Variants in PRDM4 observed in about 807,000 individuals in gnomAD.
PRDM4 encodes PR domain zinc finger protein 4.
In PRDM4, 38 loss-of-function variants were observed where a neutral mutation model predicts 62.3. That is an observed-to-expected ratio of 0.61 (90% CI 0.47 to 0.80). PRDM4 has a LOEUF of 0.80. Among genes scored for constraint, PRDM4 ranks in the 30% least tolerant of loss-of-function variants. The pLI is 0.00. For missense variants in PRDM4, 858 were observed against 997.1 expected, an observed-to-expected ratio of 0.86 and a Z score of 1.88; for synonymous variants, 339 against 348.2, an observed-to-expected ratio of 0.97 and a Z score of 0.30.
At chr12:107,754,381 ATTAAT>A (rs1479062161) in intron 3 of PRDM4, among the ~76,000 whole-genome samples, 1 of 152,154 alleles carries the variant, frequency 6.6e-6, no homozygotes, top group Non-Finnish European at 1.5e-5. Flanking sequence ...TATTTAATTA[ATTAAT>A]TTATCGATTG....
Position 107,741,018 on chromosome 12 carries a change from G to A in PRDM4, c.1852C>T (p.His618Tyr). ...GCCTTGCTACAGAAATCACACTTGT[G>A]GGGCTTCATACCCATGTGACCCATA... ...HFMGHMGMKP[H>Y]KCDFCSKAFS... Residue 618 changes from histidine to tyrosine, a missense_variant, in exon 10 of 12, where the codon CAC becomes TAC. This residue lies in a region of PRDM4 where 355 missense variants were observed against 432.6 expected (regional missense o/e 0.82). Transcript: ENST00000228437. 6.2e-7 allele frequency: 1 copy of A among 1,614,156 alleles called. No individual in the cohort carries two copies. Among genetic ancestry groups the A allele is most frequent in the Non-Finnish European group, 8.5e-7 (1 of 1,180,030 alleles).
intron 2 of PRDM4, among the ~76,000 whole-genome samples, chr12:107,757,694 G>A (rs995081245): frequency 7.2e-5 from 11 of 152,002 alleles, no homozygotes; most frequent in Admixed American, 2.6e-4. Flanking sequence ...GCAAAACACT[G>A]CCAAAAAGTT....
At position 107,733,996 on chromosome 12, in the gene PRDM4, T is replaced by TA. The variant is rs1487087450; in HGVS notation, c.*213dup. Reference sequence around the variant, plus strand: ...GACACTTCCCTCCCAGTCCACCACTTAAAACAGGACACATGCTCAGTTTTC... The same window carrying TA: ...GACACTTCCCTCCCAGTCCACCACTTAAAAACAGGACACATGCTCAGTTTTC... On this transcript the variant is annotated 3_prime_UTR_variant, in exon 12 of 12. Coordinates refer to ENST00000228437, the MANE Select transcript of PRDM4 (RefSeq NM_012406.4). 1 of 518,506 alleles carries TA rather than the reference T, an allele frequency of 1.9e-6. No individual in the cohort carries two copies. The highest frequency in any genetic ancestry group is 3.2e-5 in the East Asian group (1 of 31,040). 32.1% of individuals were successfully genotyped at this position (518,506 alleles called of 1,614,324 possible). A position where few individuals can be genotyped will look rare whatever the true frequency, so the allele number is the denominator to read the frequency against.
intron 5 of PRDM4, among the ~76,000 whole-genome samples, chr12:107,751,148 G>A (rs1327561490): frequency 6.6e-6 from 1 of 152,196 alleles, no homozygotes; most frequent in Non-Finnish European, 1.5e-5. Flanking sequence ...CATGTGCTAA[G>A]CTTATCTGCA....
In PRDM4 at chr12:107,739,600, T is replaced by A. The variant is rs1555261093; in HGVS notation, c.1925-49A>T. On this transcript the variant is annotated intron_variant, in intron 10 of 11. Transcript: ENST00000228437. ...ACCGTGAAGAAAACAACTGCTGGCA[T>A]CCCCAAGACACACAGGCACACATAT... 2.7e-5 allele frequency: 42 copies of A among 1,563,192 alleles called. No individual in the cohort carries two copies. The South Asian group carries it at 4.5e-4, about 17-fold the overall frequency.
Position 107,746,357 on chromosome 12 carries a change from AG to A in PRDM4, c.1193del (p.Pro398LeufsTer5). The A allele has an allele frequency of 6.2e-7, 1 of 1,613,780 alleles. No individual in the cohort carries two copies. The highest frequency in any genetic ancestry group is 8.5e-7 in the Non-Finnish European group (1 of 1,179,764). The part of the protein sequence containing the change: ...CPEHGPVTFV[P>X]DTPIESRARL... ...TTGCTCTGCTCTCTATTGGAGTGTC[AG>A]GAACAAAAGTCACTGGTCCATGTTC... On this transcript the variant is annotated frameshift_variant, in exon 6 of 12. Coordinates refer to ENST00000228437, the MANE Select transcript of PRDM4 (RefSeq NM_012406.4). LOFTEE classifies it high-confidence loss of function.
At chr12:107,750,823 C>CTT (rs1890866236) in intron 5 of PRDM4, among the ~76,000 whole-genome samples, 1 of 152,154 alleles carries the variant, frequency 6.6e-6, no homozygotes, top group South Asian at 2.1e-4. Flanking sequence ...TTTGTGAAAC[C>CTT]TTGGGAAATA....
Position 107,752,111 on chromosome 12 carries a change from G to A in PRDM4, c.430C>T (p.Pro144Ser). Residue 144 changes from proline (P) to serine (S), a missense_variant, in exon 5 of 12, where the codon CCT (proline) becomes TCT (serine). Transcript: ENST00000228437. ...GNTALSITNN[P>S]SALDPYQSNG... ...GACTGATAGGGATCTAGTGCTGAAG[G>A]GTTATTGGTGATAGATAATGCTGTA... 1 of 1,607,066 alleles carries A rather than the reference G, an allele frequency of 6.2e-7. No homozygotes were observed.
Position 107,740,953 on chromosome 12 carries a change from T to C in PRDM4, c.1917A>G (p.Ile639Met). ...DPSNLRTHLK[I>M]HTGQKNYRCT... is the part of the protein sequence containing the mutation. ...TGGGCCAACACAACTTACCTGTATG[T>C]ATCTTGAGGTGGGTCCGCAGGTTGC... Residue 639 changes from isoleucine to methionine, a missense_variant, in exon 10 of 12, where the codon ATA becomes ATG. Transcript: ENST00000228437. 1 of 1,612,936 alleles carries C rather than the reference T, an allele frequency of 6.2e-7. No homozygotes were observed. The highest frequency in any genetic ancestry group is 8.5e-7 in the Non-Finnish European group (1 of 1,179,204).
intron 2 of PRDM4, among the ~76,000 whole-genome samples, 175 bp downstream of exon 2, chr12:107,760,330 A>C (rs1363801516): frequency 6.6e-6 from 1 of 152,238 alleles, no homozygotes; most frequent in African/African-American, 2.4e-5. Context: ...ATGTGGAGTA[A>C]ATTAGGATGC....
chr12:107,760,651 C>G lies in PRDM4; in HGVS notation c.-136G>C, dbSNP rs977853422. ...CGACGCGGCCACTCGTCCCCGGGGTCGCCCGGGGCCGCCCAACTTCTCCCG... is the reference window on the plus strand; with the variant it reads ...CGACGCGGCCACTCGTCCCCGGGGTGGCCCGGGGCCGCCCAACTTCTCCCG... On this transcript the variant is annotated 5_prime_UTR_variant, in exon 2 of 12. Transcript: ENST00000228437. 2 of 1,059,360 alleles carry G rather than the reference C, an allele frequency of 1.9e-6. No homozygotes were observed. 65.6% of individuals were successfully genotyped at this position (1,059,360 alleles called of 1,614,324 possible).
At chr12:107,751,368 G>C in intron 5 of PRDM4, 47 bp downstream of exon 5, 1 of 1,524,138 alleles carries the variant, frequency 6.6e-7, no homozygotes, top group Non-Finnish European at 9.0e-7. Context: ...AGGGATGGTG[G>C]CCCTTTTTAC....
intron 11 of PRDM4, chr12:107,738,186 C>A (rs1449644037): frequency 6.6e-6 from 1 of 152,152 alleles, no homozygotes; most frequent in East Asian, 1.9e-4. Context: ...ATTATCACAA[C>A]CTGAGCTGCC....
Position 107,756,983 on chromosome 12 carries a change from C to T in PRDM4, c.12-18G>A, listed in dbSNP as rs779908709. On this transcript the variant is annotated intron_variant, in intron 2 of 11. Coordinates refer to ENST00000228437, the MANE Select transcript of PRDM4 (RefSeq NM_012406.4). The stretch of plus-strand genomic sequence containing the variant: ...CATTCATCCTAGAAAAGAGCACACA[C>T]AACTAGTTATGCAAAAATTTACTCC... The T allele has an allele frequency of 4.2e-5, 68 of 1,612,638 alleles. No individual in the cohort carries two copies. In the South Asian group the frequency reaches 7.2e-4, roughly 17 times the overall value.
At chr12:107,744,458 T>C in intron 7 of PRDM4, 85 bp downstream of exon 7, 1 of 1,486,092 alleles carries the variant, frequency 6.7e-7, no homozygotes, top group Non-Finnish European at 9.2e-7. Flanking sequence ...CAGTTCTGGC[T>C]GATTTTGACT....
intron 9 of PRDM4, 27 bp downstream of exon 9, chr12:107,742,194 A>G (rs1438529579): frequency 6.3e-7 from 1 of 1,596,924 alleles, no homozygotes; most frequent in Admixed American, 1.8e-5. Context: ...ACTAAGCCAG[A>G]TTCATTATAA....
intron 2 of PRDM4, 149 bp from the exon 3 acceptor site, chr12:107,757,114 G>A: frequency 8.3e-6 from 6 of 721,828 alleles, no homozygotes; most frequent in Non-Finnish European, 1.3e-5. Flanking sequence ...CTCTTAGATA[G>A]CTAGTGCCAT....
chr12:107,755,070 A>G (rs548668753), intron 3 of PRDM4, among the ~76,000 whole-genome samples: 3 of 152,196 alleles, frequency 2.0e-5, no homozygotes, highest in South Asian at 2.1e-4. Flanking sequence ...GCTGATTTGC[A>G]TATTTTTGCC....
At chr12:107,756,989 G>C in intron 2 of PRDM4, 24 bp from the exon 3 acceptor site, 1 of 1,611,676 alleles carries the variant, frequency 6.2e-7, no homozygotes, top group East Asian at 2.2e-5. Flanking sequence ...CACACAACTA[G>C]TTATGCAAAA....
Sources: gnomAD v4.1 joint callset for allele counts (sites outside exome capture counted in the v4.1 genomes callset) on GRCh38, gnomAD v4.1.1 for gene constraint, gnomAD v4.1.1 regional missense constraint, MANE v1.5 for transcripts, NCBI Gene and HGNC (gene_info 2026-07-23, HGNC 2026-07-21) for gene names.